The following ZIM3 variants were observed in gnomAD, a reference collection of about 807,000 sequenced individuals.
ZIM3 encodes zinc finger protein 657.
A neutral mutation model predicts 12.9 loss-of-function variants in ZIM3; 11 were observed. That is an observed-to-expected ratio of 0.85 (90% CI 0.54 to 1.41). The LOEUF (loss-of-function observed/expected upper bound fraction) is 1.41. Among genes scored for constraint, ZIM3 ranks in the 40% most tolerant of loss-of-function variants. The probability of loss-of-function intolerance (pLI) is 0.00; values close to 1 mark genes in which losing one functional copy is unlikely to be tolerated. For missense variants in ZIM3, 604 were observed against 557.2 expected, an observed-to-expected ratio of 1.08 and a Z score of -0.85; for synonymous variants, 205 against 198.5, an observed-to-expected ratio of 1.03 and a Z score of -0.28.
rs552655713 is a variant in ZIM3, at chr19:57,140,229, T to A, written c.16-1631A>T. Among the ~76,000 whole-genome samples, 5 of 152,178 alleles carry A rather than the reference T, an allele frequency of 3.3e-5. No individual in the cohort carries two copies. In the South Asian group the frequency reaches 1.0e-3, roughly 32 times the overall value. On this transcript the variant is annotated intron_variant, in intron 2 of 4. Transcript: ENST00000269834. ...CTCACTCTGGTAGCCCAGGCTGGAG[T>A]GCAGTGGCACAATCTCGGCTCACTG...
chr19:57,136,060 G>C lies in ZIM3; in HGVS notation c.277C>G (p.Pro93Ala). 1 of 1,613,018 alleles carries C rather than the reference G, an allele frequency of 6.2e-7. No individual in the cohort carries two copies. Among genetic ancestry groups the C allele is most frequent in the South Asian group, 1.1e-5 (1 of 90,930 alleles). The change falls in exon 5 of 5, where the codon CCA becomes GCA. Residue 93 changes from proline to alanine, a missense_variant. Pro to Ala is a conservative substitution (Grantham distance 27, BLOSUM62 -1). Transcript: ENST00000269834. The part of the protein sequence containing the change: ...NGDIGGQIWK[P>A]KDVKESLARE... ...GCGAGACTCTCTTTCACATCCTTTG[G>C]CTTCCAAATCTGCCCTCCAATGTCC...
At position 57,143,343 on chromosome 19, in the gene ZIM3, A is replaced by AG. The variant is rs1568460150; in HGVS notation, c.-42-659_-42-658insC. Among the ~76,000 whole-genome samples the AG allele has an allele frequency of 4.7e-4, 60 of 127,378 alleles. 1 individual carries two copies. Among genetic ancestry groups the AG allele is most frequent in the African/African-American group, 9.6e-4 (30 of 31,290 alleles). 83.6% of individuals were successfully genotyped at this position (127,378 alleles called of 152,430 possible). A position where few individuals can be genotyped will look rare whatever the true frequency, so the allele number is the denominator to read the frequency against. ...GAGACTCCGTCCCAAAAAAAAAAAAAAAGAGAGAGAGAGAAAGCTAAACAG... is the reference window on the plus strand; with the variant it reads ...GAGACTCCGTCCCAAAAAAAAAAAAAGAAGAGAGAGAGAGAAAGCTAAACAG... On this transcript the variant is annotated intron_variant, in intron 1 of 4. Transcript: ENST00000269834.
chr19:57,136,482 G>A (rs992489543), intron 4 of ZIM3, among the ~76,000 whole-genome samples: 3 of 151,736 alleles, frequency 2.0e-5, no homozygotes, highest in Non-Finnish European at 2.9e-5. Context: ...GACCAACATG[G>A]CGAAACCCTG....
chr19:57,141,726 C>G (rs542775586), intron 2 of ZIM3, among the ~76,000 whole-genome samples: 1 of 151,844 alleles, frequency 6.6e-6, no homozygotes, highest in East Asian at 2.0e-4. Context: ...GTGGTGCGCA[C>G]ACCTGTAATC....
intron 4 of ZIM3, 100 bp downstream of exon 4, chr19:57,136,773 C>G (rs2086889039): frequency 1.1e-6 from 1 of 931,692 alleles, no homozygotes. Context: ...TTCCAGCACT[C>G]CCAGGAAGTC....
chr19:57,135,380 C>G lies in ZIM3; in HGVS notation c.957G>C (p.Lys319Asn). The G allele has an allele frequency of 6.2e-7, 1 of 1,613,914 alleles. No individual in the cohort carries two copies. Among genetic ancestry groups the G allele is most frequent in the African/African-American group, 1.3e-5 (1 of 75,028 alleles). Residue 319 changes from lysine (K) to asparagine (N), a missense_variant, in exon 5 of 5, where the codon AAG (lysine) becomes AAC (asparagine). Physicochemically the swap from Lys to Asn is moderately conservative, Grantham distance 94 (BLOSUM62 0). Coordinates refer to ENST00000269834, the MANE Select transcript of ZIM3 (RefSeq NM_052882.1). ...TTCTCTGGTGTTTCACAAGATCTGACTTGTAAATGAAAGCCTTTCCACAGT... is the reference window on the plus strand; with the variant it reads ...TTCTCTGGTGTTTCACAAGATCTGAGTTGTAAATGAAAGCCTTTCCACAGT... ...CTDCGKAFIY[K>N]SDLVKHQRIH...
Position 57,135,781 on chromosome 19 carries a change from G to C in ZIM3, c.556C>G (p.Leu186Val). ...GGTTTTTGACAGGCATGCCTCCTCA[G>C]GTGACTTTGAAGGCGTGACTTTGAA... is the stretch of plus-strand genomic sequence containing the variant. ...FSSKSRLQSH[L>V]RRHACQKPFE... is the part of the protein sequence containing the mutation. Residue 186 changes from leucine to valine, a missense_variant, in exon 5 of 5, where the codon CTG (leucine) becomes GTG (valine). Coordinates refer to ENST00000269834, the MANE Select transcript of ZIM3 (RefSeq NM_052882.1). 6.2e-7 allele frequency: 1 copy of C among 1,614,022 alleles called. No individual in the cohort carries two copies. Among genetic ancestry groups the C allele is most frequent in the Non-Finnish European group, 8.5e-7 (1 of 1,180,024 alleles).
At chr19:57,138,361 A>C in intron 3 of ZIM3, 111 bp downstream of exon 3, 1 of 1,495,384 alleles carries the variant, frequency 6.7e-7, no homozygotes, top group Non-Finnish European at 9.3e-7. Context: ...CTACAAAAAC[A>C]TATGCGAAGT....
chr19:57,144,150 C>T (rs2086927129), intron 1 of ZIM3, among the ~76,000 whole-genome samples: 1 of 152,134 alleles, frequency 6.6e-6, no homozygotes. Context: ...ATCCCTGGCT[C>T]AAGCAATCCT....
At chr19:57,142,480 CAGA>C (rs2086917860) in intron 2 of ZIM3, 146 bp downstream of exon 2, 1 of 807,958 alleles carries the variant, frequency 1.2e-6, no homozygotes, top group East Asian at 2.7e-5. Context: ...AATAGGAAAG[CAGA>C]AAGTAGAGTG....
intron 1 of ZIM3, among the ~76,000 whole-genome samples, chr19:57,143,595 G>T (rs536317643): frequency 6.6e-5 from 10 of 151,796 alleles, no homozygotes; most frequent in Non-Finnish European, 1.2e-4. Flanking sequence ...CGTAGATTTT[G>T]GCCACGCGTG....
chr19:57,142,779 G>C, intron 1 of ZIM3, 94 bp from the exon 2 acceptor site: 2 of 976,298 alleles, frequency 2.0e-6, no homozygotes, highest in Non-Finnish European at 3.1e-6. Context: ...CTGGATAAAA[G>C]CTCTCCCTAA....
intron 2 of ZIM3, among the ~76,000 whole-genome samples, chr19:57,140,747 C>G (rs1422871811): frequency 6.6e-6 from 1 of 152,018 alleles, no homozygotes; most frequent in Non-Finnish European, 1.5e-5. Context: ...GCTGGGATTA[C>G]AGGTGTGAGC....
Position 57,138,493 on chromosome 19 carries a change from A to G in ZIM3, c.121T>C (p.Tyr41His). The G allele has an allele frequency of 4.3e-6, 7 of 1,614,184 alleles. No individual in the cohort carries two copies. Among genetic ancestry groups the G allele is most frequent in the Non-Finnish European group, 5.9e-6 (7 of 1,180,036 alleles). ...NLYRDVMLEN[Y>H]SNLVSVGQGE... ...TTACCCACAGAGACAAGGTTGCTGTAATTCTCCAGCATCACATCCCTGTAC... is the reference window on the plus strand; with the variant it reads ...TTACCCACAGAGACAAGGTTGCTGTGATTCTCCAGCATCACATCCCTGTAC... Residue 41 changes from tyrosine (Y) to histidine (H), a missense_variant, in exon 3 of 5, where the codon TAC becomes CAC. Transcript: ENST00000269834.
intron 3 of ZIM3, among the ~76,000 whole-genome samples, chr19:57,137,552 A>C (rs1432012118): frequency 2.0e-5 from 3 of 151,324 alleles, no homozygotes; most frequent in Non-Finnish European, 4.4e-5. Context: ...ATCTGTGCAA[A>C]AAATACAAAA....
intron 2 of ZIM3, among the ~76,000 whole-genome samples, chr19:57,142,418 G>A (rs1357696440): frequency 6.6e-6 from 1 of 152,040 alleles, no homozygotes; most frequent in African/African-American, 2.4e-5. Flanking sequence ...CTGAATTACA[G>A]GTGTGAGCCA....
chr19:57,141,275 C>T (rs1193035008), intron 2 of ZIM3, among the ~76,000 whole-genome samples: 2 of 151,830 alleles, frequency 1.3e-5, no homozygotes, highest in Non-Finnish European at 2.9e-5. Context: ...GTGGCGTGCG[C>T]CTGTAATCCC....
chr19:57,141,398 C>CAAAAAAAAAA (rs66633580), intron 2 of ZIM3, among the ~76,000 whole-genome samples: 1 of 105,470 alleles, frequency 9.5e-6, no homozygotes, highest in Non-Finnish European at 1.9e-5. Flanking sequence ...GAGACTGTCT[C>CAAAAAAAAAA]AAAAAAAAAA....
chr19:57,141,864 T>A (rs2086915347), intron 2 of ZIM3, among the ~76,000 whole-genome samples: 1 of 145,794 alleles, frequency 6.9e-6, no homozygotes, highest in Non-Finnish European at 1.5e-5. Flanking sequence ...AAAAAAAAAA[T>A]CAACTGAAAC....
Sources: allele counts gnomAD v4.1 joint callset (sites outside exome capture counted in the v4.1 genomes callset), GRCh38; gene constraint gnomAD v4.1.1; transcripts MANE v1.5; gene names NCBI Gene and HGNC (gene_info 2026-07-23, HGNC 2026-07-21).